KAT6B: variants seen among roughly 807,000 people sequenced by gnomAD.
KAT6B encodes the protein lysine acetyltransferase 6B.
KAT6B carries 10 observed loss-of-function variants against 187.5 expected under a neutral mutation model. The ratio of observed to expected loss-of-function variants is 0.05; its 90% CI spans 0.03 to 0.09. The LOEUF (loss-of-function observed/expected upper bound fraction) is 0.09, where lower values mean the gene tolerates loss of function less well. Ranked by LOEUF, KAT6B falls within the 10% of genes least tolerant of loss-of-function variation. The pLI, the probability that KAT6B is intolerant of heterozygous loss-of-function variation, is 1.00. For synonymous variants in KAT6B, 861 were observed against 926.8 expected (o/e 0.93, Z 1.29); for missense variants, 1,952 against 2,558.9 (o/e 0.76, Z 5.12).
rs371761042 is a variant in KAT6B, at chr10:75,030,624, C to G, written c.5800C>G (p.Pro1934Ala). 5.6e-6 allele frequency: 9 copies of G among 1,613,168 alleles called. No individual in the cohort carries two copies. The highest frequency in any genetic ancestry group is 1.6e-4 in the Middle Eastern group (1 of 6,082). Reference sequence around the variant, plus strand: ...GAGAACCAAGTCAGCGTCTCTGTCACCAGCCGCTGCCACCCATCAGTCACA... The same window carrying G: ...GAGAACCAAGTCAGCGTCTCTGTCAGCAGCCGCTGCCACCCATCAGTCACA... ...SMRTKSASLS[P>A]AAATHQSQIY... The change falls in exon 18 of 18, where the codon CCA becomes GCA. Residue 1934 changes from proline (P) to alanine (A), a missense_variant. Coordinates refer to ENST00000287239, the MANE Select transcript of KAT6B (RefSeq NM_012330.4). The surrounding 1 kb of genome is among the most constrained non-coding windows in gnomAD (Gnocchi z 4.8).
intron 3 of KAT6B, among the ~76,000 whole-genome samples, chr10:74,914,654 A>G (rs1020299653): frequency 3.3e-5 from 5 of 152,192 alleles, no homozygotes; most frequent in African/African-American, 7.2e-5. Flanking sequence ...GAATTCAACA[A>G]TTTAAAAGGG....
At chr10:74,840,548 C>T (rs557244789) in intron 2 of KAT6B, among the ~76,000 whole-genome samples, 1 of 152,286 alleles carries the variant, frequency 6.6e-6, no homozygotes, top group African/African-American at 2.4e-5. Context: ...AGCTGTGCAA[C>T]AGTGGGGTGA....
Position 74,884,287 on chromosome 10 carries a change from A to T in KAT6B, c.621+40809A>T, listed in dbSNP as rs138211821. ...GTTAAAATTACTTTCCTTAGTGACTATTAACCAGAAATTTTATCTGTCAGG... is the reference window on the plus strand; with the variant it reads ...GTTAAAATTACTTTCCTTAGTGACTTTTAACCAGAAATTTTATCTGTCAGG... On this transcript the variant is annotated intron_variant, in intron 3 of 17. Coordinates refer to ENST00000287239, the MANE Select transcript of KAT6B (RefSeq NM_012330.4). 3.8e-3 allele frequency among the ~76,000 whole-genome samples: 577 copies of T among 152,356 alleles called. 1 individual carries two copies. The highest frequency in any genetic ancestry group is 6.8e-3 in the Middle Eastern group (2 of 294).
chr10:74,890,804 A>C (rs1023076789), intron 3 of KAT6B, among the ~76,000 whole-genome samples: 9 of 152,170 alleles, frequency 5.9e-5, no homozygotes, highest in African/African-American at 2.2e-4. Context: ...AAATACAGTC[A>C]CTTTGTTTTC....
intron 3 of KAT6B, among the ~76,000 whole-genome samples, chr10:74,899,690 T>C (rs1378188365): frequency 6.6e-6 from 1 of 152,214 alleles, no homozygotes; most frequent in Admixed American, 6.5e-5. Flanking sequence ...GTCACCCTTT[T>C]TTGGGTGTAA....
At chr10:74,940,229 A>T (rs574715923) in intron 3 of KAT6B, among the ~76,000 whole-genome samples, 39 of 152,028 alleles carry the variant, frequency 2.6e-4, no homozygotes, top group African/African-American at 8.0e-4. Context: ...GCTCACATTG[A>T]GGAGTTTAAA....
chr10:74,996,598 G>A (rs1487639166), intron 13 of KAT6B, among the ~76,000 whole-genome samples: 7 of 151,862 alleles, frequency 4.6e-5, no homozygotes, highest in Non-Finnish European at 7.4e-5. Flanking sequence ...GTGAAACCCC[G>A]TCTCTACTAA....
intron 3 of KAT6B, among the ~76,000 whole-genome samples, chr10:74,890,459 C>CA (rs1266802585): frequency 6.6e-6 from 1 of 152,020 alleles, no homozygotes; most frequent in Non-Finnish European, 1.5e-5. Context: ...GCCAACAATG[C>CA]AAAATCCCGT....
rs1442023203 is a variant in KAT6B, at chr10:75,020,478, G to T, written c.2630-104G>T. 6.3e-6 allele frequency: 5 copies of T among 797,518 alleles called. No homozygotes were observed. In the East Asian group the frequency reaches 1.3e-4, roughly 20 times the overall value. 49.4% of individuals were successfully genotyped at this position (797,518 alleles called of 1,614,324 possible). A position where few individuals can be genotyped will look rare whatever the true frequency, so the allele number is the denominator to read the frequency against. Reference sequence around the variant, plus strand: ...CCTAAAGCGAATGCACTTCTCTGTTGTGATGTTTTTACCTTGTCACTACTC... The same window carrying T: ...CCTAAAGCGAATGCACTTCTCTGTTTTGATGTTTTTACCTTGTCACTACTC... On this transcript the variant is annotated intron_variant, in intron 13 of 17. Transcript: ENST00000287239.
At chr10:74,944,801 T>A (rs1339883872) in intron 3 of KAT6B, among the ~76,000 whole-genome samples, 3 of 94,270 alleles carry the variant, frequency 3.2e-5, no homozygotes, top group Non-Finnish European at 5.4e-5. Context: ...AGAGCGAGAC[T>A]CCGTCTCAAA....
chr10:74,980,180 A>C (rs1169974051), intron 10 of KAT6B, among the ~76,000 whole-genome samples: 1 of 152,262 alleles, frequency 6.6e-6, no homozygotes, highest in African/African-American at 2.4e-5. Flanking sequence ...AATAAAAAGG[A>C]GAAAATAATG....
At chr10:74,984,742 G>A (rs1368305380) in intron 11 of KAT6B, 10 of 311,044 alleles carry the variant, frequency 3.2e-5, no homozygotes, top group South Asian at 9.9e-5. Flanking sequence ...AGATTTATTC[G>A]GTTCAGATAG....
At chr10:74,866,366 T>G (rs569266589) in intron 3 of KAT6B, among the ~76,000 whole-genome samples, 1 of 152,080 alleles carries the variant, frequency 6.6e-6, no homozygotes, top group East Asian at 1.9e-4. Flanking sequence ...TATGTATGTA[T>G]AAATATATGT....
chr10:74,930,877 GT>G (rs1163894422), intron 3 of KAT6B, among the ~76,000 whole-genome samples: 5 of 151,996 alleles, frequency 3.3e-5, no homozygotes, highest in South Asian at 2.1e-4. Flanking sequence ...ACCTTTTACA[GT>G]TTTTTTCACT....
Position 74,868,957 on chromosome 10 carries a change from T to G in KAT6B, c.621+25479T>G, listed in dbSNP as rs937316050. Among the ~76,000 whole-genome samples the G allele has an allele frequency of 7.4e-4, 112 of 152,352 alleles. 2 individuals are homozygous for G. Among genetic ancestry groups the G allele is most frequent in the East Asian group, 7.7e-4 (4 of 5,194 alleles). ...CTCATGCTCCCTTCTGCCCTGCTGCTGTTTTAATGAAAATCAGCCTTGTTC... is the reference window on the plus strand; with the variant it reads ...CTCATGCTCCCTTCTGCCCTGCTGCGGTTTTAATGAAAATCAGCCTTGTTC... On this transcript the variant is annotated intron_variant, in intron 3 of 17. Transcript: ENST00000287239.
At chr10:74,866,294 T>C (rs1441146533) in intron 3 of KAT6B, among the ~76,000 whole-genome samples, 1 of 151,852 alleles carries the variant, frequency 6.6e-6, no homozygotes. Flanking sequence ...AAGTATTTAA[T>C]GGTGAAGTGT....
chr10:74,946,085 G>C (rs1303451970), intron 3 of KAT6B, among the ~76,000 whole-genome samples: 1 of 152,074 alleles, frequency 6.6e-6, no homozygotes, highest in Non-Finnish European at 1.5e-5. Context: ...CTTCTAGGGA[G>C]GTTTTAAATA....
chr10:74,944,163 C>T (rs2133323884), intron 3 of KAT6B, among the ~76,000 whole-genome samples: 1 of 152,326 alleles, frequency 6.6e-6, no homozygotes, highest in Admixed American at 6.5e-5. Context: ...ACAGATTGCT[C>T]TGAAGCTGGA....
In KAT6B at chr10:74,886,541, C is replaced by G. The variant is rs144959097; in HGVS notation, c.621+43063C>G. ...GTATTTAAAAGCCACAGCAAAGATT[C>G]AGCTTCCTCTCCGCTCCCCCGTGCC... is the stretch of plus-strand genomic sequence containing the variant. On this transcript the variant is annotated intron_variant, in intron 3 of 17. Transcript: ENST00000287239. 2.2e-3 allele frequency among the ~76,000 whole-genome samples: 340 copies of G among 152,270 alleles called. 1 individual carries two copies. The highest frequency in any genetic ancestry group is 7.8e-3 in the African/African-American group (324 of 41,544).
Sources: gnomAD v4.1 joint callset for allele counts (sites outside exome capture counted in the v4.1 genomes callset) on GRCh38, gnomAD v4.1.1 for gene constraint, Gnocchi (gnomAD v3.1) non-coding constraint, MANE v1.5 for transcripts, NCBI Gene and HGNC (gene_info 2026-07-23, HGNC 2026-07-21) for gene names.